ITPK1: variants seen among roughly 807,000 people sequenced by gnomAD.
The protein encoded by ITPK1 is inositol-tetrakisphosphate 1-kinase.
ITPK1 carries 21 observed loss-of-function variants against 45.3 expected under a neutral mutation model. The ratio of observed to expected loss-of-function variants is 0.46; its 90% CI spans 0.33 to 0.67. ITPK1 has a LOEUF of 0.67. Among genes scored for constraint, ITPK1 ranks in the 30% least tolerant of loss-of-function variants. The pLI is 0.02. For synonymous variants in ITPK1, 258 were observed against 253.6 expected (o/e 1.02, Z -0.16); for missense variants, 474 against 573.5 (o/e 0.83, Z 1.77).
intron 3 of ITPK1, among the ~76,000 whole-genome samples, chr14:93,051,045 C>G (rs1889982793): frequency 6.6e-6 from 1 of 152,130 alleles, no homozygotes; most frequent in African/African-American, 2.4e-5. Context: ...CAGCACAGGG[C>G]CCGGCCTGCC....
chr14:92,952,031 A>G lies in ITPK1; in HGVS notation c.671-18T>C. The G allele has an allele frequency of 6.4e-7, 1 of 1,558,686 alleles. No individual in the cohort carries two copies. Among genetic ancestry groups the G allele is most frequent in the Non-Finnish European group, 8.7e-7 (1 of 1,150,342 alleles). On this transcript the variant is annotated intron_variant, in intron 8 of 10. Coordinates refer to ENST00000267615, the MANE Select transcript of ITPK1 (RefSeq NM_014216.6). ...CTCACGGTCTGAAAAAGCGACAGGA[A>G]GGAGCCGGCGTTAGAACCTCAATGC...
In ITPK1 at chr14:93,088,336, G is replaced by T. The variant is rs796614424; in HGVS notation, c.96-11717C>A. Among the ~76,000 whole-genome samples, 40 of 126,624 alleles carry T rather than the reference G, an allele frequency of 3.2e-4. 1 individual carries two copies. Among genetic ancestry groups the T allele is most frequent in the African/African-American group, 6.8e-4 (17 of 24,910 alleles). The allele number at this position is 126,624 out of a possible 152,430, so 83.1% of individuals were successfully genotyped here. A position where few individuals can be genotyped will look rare whatever the true frequency, so the allele number is the denominator to read the frequency against. On this transcript the variant is annotated intron_variant, in intron 2 of 10. Coordinates refer to ENST00000267615, the MANE Select transcript of ITPK1 (RefSeq NM_014216.6). ...GTTGCATCTTTTCTTTTTTGGTTTT[G>T]TTTTGTTTTTTTTTTTTTTTTGAGA...
intron 2 of ITPK1, among the ~76,000 whole-genome samples, chr14:93,097,167 C>T (rs1308618311): frequency 6.6e-6 from 1 of 152,248 alleles, no homozygotes; most frequent in African/African-American, 2.4e-5. Flanking sequence ...CCGGATCACA[C>T]ACTCTGTGTG....
intron 7 of ITPK1, among the ~76,000 whole-genome samples, chr14:92,959,848 G>C (rs1052975267): frequency 1.3e-5 from 2 of 152,222 alleles, no homozygotes. Context: ...CCTGGTTTTG[G>C]TTGAGTCTCG....
intron 7 of ITPK1, among the ~76,000 whole-genome samples, chr14:92,961,507 C>T (rs903356763): frequency 6.6e-6 from 1 of 152,234 alleles, no homozygotes; most frequent in Non-Finnish European, 1.5e-5. Context: ...TGATTCTAAG[C>T]AGCCCTCTTT....
At chr14:93,089,418 C>A (rs1475774045) in intron 2 of ITPK1, among the ~76,000 whole-genome samples, 1 of 152,156 alleles carries the variant, frequency 6.6e-6, no homozygotes, top group Non-Finnish European at 1.5e-5. Context: ...TAGATTTCAG[C>A]TCAACCATAG....
intron 3 of ITPK1, chr14:93,070,840 G>A (rs1014848099): frequency 4.6e-5 from 7 of 153,802 alleles, no homozygotes; most frequent in Admixed American, 2.0e-4. Context: ...ATGTTACTGC[G>A]TCCCATCTGC....
Position 93,115,120 on chromosome 14 carries a change from C to T in ITPK1, c.44G>A (p.Ser15Asn). The T allele has an allele frequency of 1.9e-6, 3 of 1,602,870 alleles. No homozygotes were observed. Among genetic ancestry groups the T allele is most frequent in the Non-Finnish European group, 2.6e-6 (3 of 1,175,786 alleles). Residue 15 changes from serine to asparagine, a missense_variant, in exon 2 of 11, where the codon AGC becomes AAC. Physicochemically the swap from Ser to Asn is conservative, Grantham distance 46 (BLOSUM62 1). Around this residue, in one of 2 missense-constraint regions of ITPK1, gnomAD observed 367 missense variants for 480.6 expected, o/e 0.76. Transcript: ENST00000267615. Reference protein sequence around the residue: ...LKGKRVGYWLSEKKIKKLNFQ... With the variant: ...LKGKRVGYWLNEKKIKKLNFQ... ...ATTCAGCTTCTTGATTTTCTTCTCG[C>T]TCAGCCAGTAGCCAACTCTCTTCCC...
chr14:92,942,551 CCT>C (rs1321766960), intron 10 of ITPK1, among the ~76,000 whole-genome samples: 3 of 152,336 alleles, frequency 2.0e-5, no homozygotes, highest in East Asian at 3.9e-4. Flanking sequence ...AGGGAGGCCC[CCT>C]GTGTCCCATT....
chr14:92,992,999 T>C (rs1378958457), intron 5 of ITPK1, among the ~76,000 whole-genome samples: 4 of 152,240 alleles, frequency 2.6e-5, no homozygotes. Flanking sequence ...TCTGGAGCTG[T>C]GAGCCAAATG....
At chr14:92,969,017 T>C (rs769861849) in intron 5 of ITPK1, among the ~76,000 whole-genome samples, 2 of 152,146 alleles carry the variant, frequency 1.3e-5, no homozygotes, top group Non-Finnish European at 2.9e-5. Flanking sequence ...TTGCTGGGCA[T>C]GACAGGCTGC....
At chr14:92,988,843 TA>T in intron 5 of ITPK1, among the ~76,000 whole-genome samples, 1 of 152,312 alleles carries the variant, frequency 6.6e-6, no homozygotes, top group East Asian at 1.9e-4. Flanking sequence ...TTAAGTGGAT[TA>T]AATTAGGTAC....
chr14:93,100,439 T>C (rs1410850964), intron 2 of ITPK1, among the ~76,000 whole-genome samples: 1 of 151,776 alleles, frequency 6.6e-6, no homozygotes, highest in African/African-American at 2.4e-5. Context: ...AGAATAAGGA[T>C]TGAGGGTGAG....
chr14:92,984,550 C>T (rs1182965380), intron 5 of ITPK1, among the ~76,000 whole-genome samples: 4 of 152,160 alleles, frequency 2.6e-5, no homozygotes, highest in Non-Finnish European at 5.9e-5. Context: ...TGAAATTCAA[C>T]ACTGCCCCCA....
intron 2 of ITPK1, among the ~76,000 whole-genome samples, chr14:93,114,824 G>A (rs1323704395): frequency 6.6e-6 from 1 of 152,132 alleles, no homozygotes; most frequent in Non-Finnish European, 1.5e-5. Context: ...CTCCCCAGCC[G>A]GGTCACAGTG....
chr14:93,095,522 T>G (rs1384525336), intron 2 of ITPK1, among the ~76,000 whole-genome samples: 4 of 137,390 alleles, frequency 2.9e-5, no homozygotes, highest in African/African-American at 9.0e-5. Flanking sequence ...ACAGTCACAC[T>G]TATCAGCACC....
intron 5 of ITPK1, among the ~76,000 whole-genome samples, chr14:92,989,182 G>A (rs943218967): frequency 6.6e-6 from 1 of 152,144 alleles, no homozygotes; most frequent in Non-Finnish European, 1.5e-5. Flanking sequence ...TTCAACCCAG[G>A]TTTCAAATGG....
intron 3 of ITPK1, chr14:93,070,361 C>G (rs1890941937): frequency 6.6e-6 from 1 of 152,300 alleles, no homozygotes; most frequent in African/African-American, 2.4e-5. Context: ...CAGATTGGAT[C>G]GGAGTGGAAG....
chr14:93,110,464 C>T (rs1422117871), intron 2 of ITPK1, among the ~76,000 whole-genome samples: 2 of 152,210 alleles, frequency 1.3e-5, no homozygotes, highest in Admixed American at 1.3e-4. Flanking sequence ...AATGCTAAGC[C>T]ATCCCTGTAG....
Sources: allele counts gnomAD v4.1 joint callset (sites outside exome capture counted in the v4.1 genomes callset), GRCh38; gene constraint gnomAD v4.1.1; regional missense constraint gnomAD v4.1.1; transcripts MANE v1.5; gene names NCBI Gene and HGNC (gene_info 2026-07-23, HGNC 2026-07-21).